DIAPH2: variants seen among roughly 807,000 people sequenced by gnomAD.
DIAPH2 encodes diaphanous related formin 2.
In DIAPH2, 35 loss-of-function variants were observed where a neutral mutation model predicts 92.7. The observed-to-expected ratio is 0.38, with a 90% confidence interval of 0.29 to 0.50. The LOEUF (loss-of-function observed/expected upper bound fraction) is 0.50. DIAPH2 is among the 20% of genes least tolerant of loss of function. The pLI, the probability that DIAPH2 is intolerant of heterozygous loss-of-function variation, is 0.94. For missense variants in DIAPH2, 701 were observed against 819.5 expected (o/e 0.86, Z 1.77); for synonymous variants, 301 against 280.4 (o/e 1.07, Z -0.73).
intron 22 of DIAPH2, among the ~76,000 whole-genome samples, chrX:97,222,639 G>C (rs778899635): frequency 2.7e-5 from 3 of 112,006 alleles, no homozygotes; most frequent in Admixed American, 9.5e-5. Flanking sequence ...ATCATGTCTT[G>C]GATTTCTCCT....
intron 4 of DIAPH2, among the ~76,000 whole-genome samples, chrX:96,868,013 G>T (rs184334548): frequency 1.9e-3 from 212 of 111,828 alleles, no homozygotes; most frequent in Non-Finnish European, 3.5e-3. Context: ...ATCATTTGCT[G>T]ACTCTAAATT....
At chrX:97,277,257 G>A (rs754347566) in intron 23 of DIAPH2, among the ~76,000 whole-genome samples, 1 of 111,473 alleles carries the variant, frequency 9.0e-6, no homozygotes, top group Non-Finnish European at 1.9e-5. Flanking sequence ...AGAATTACTT[G>A]AACCCAGGAG....
chrX:97,452,539 G>C (rs940774705), intron 26 of DIAPH2, among the ~76,000 whole-genome samples: 1 of 111,662 alleles, frequency 9.0e-6, no homozygotes, highest in Non-Finnish European at 1.9e-5. Flanking sequence ...TCAAGTGCTA[G>C]AGGTTCTTGT....
intron 4 of DIAPH2, among the ~76,000 whole-genome samples, chrX:96,813,621 A>G (rs2064705210): frequency 9.0e-6 from 1 of 111,457 alleles, no homozygotes; most frequent in Admixed American, 9.6e-5. Context: ...CCTACCATCG[A>G]TGGTCTTTAC....
chrX:96,916,003 TA>T (rs747262520), intron 7 of DIAPH2, among the ~76,000 whole-genome samples: 7 of 111,452 alleles, frequency 6.3e-5, no homozygotes, highest in South Asian at 3.7e-4. Flanking sequence ...AAGAGCCTTT[TA>T]AAAAAAATTT....
At chrX:97,018,578 A>G (rs760500401) in intron 17 of DIAPH2, among the ~76,000 whole-genome samples, 4 of 112,128 alleles carry the variant, frequency 3.6e-5, no homozygotes, top group African/African-American at 1.3e-4. Context: ...CCATTCACGA[A>G]TGACTAGTGC....
intron 23 of DIAPH2, among the ~76,000 whole-genome samples, chrX:97,254,622 C>G (rs1458820665): frequency 9.1e-6 from 1 of 110,131 alleles, no homozygotes; most frequent in East Asian, 2.8e-4. Flanking sequence ...ATCTATATAT[C>G]TGTCTATATA....
intron 23 of DIAPH2, among the ~76,000 whole-genome samples, chrX:97,319,842 G>A (rs1053428337): frequency 6.2e-4 from 67 of 108,814 alleles, no homozygotes; most frequent in African/African-American, 2.2e-3. Context: ...GCTCATGCCT[G>A]CAATCCCAGC....
intron 26 of DIAPH2, among the ~76,000 whole-genome samples, chrX:97,493,243 T>C (rs1197054738): frequency 9.1e-6 from 1 of 110,198 alleles, no homozygotes. Context: ...TTTATTTATT[T>C]ATTTATTTAT....
At chrX:97,099,373 A>T (rs1271840842) in intron 19 of DIAPH2, among the ~76,000 whole-genome samples, 1 of 111,448 alleles carries the variant, frequency 9.0e-6, no homozygotes, top group Non-Finnish European at 1.9e-5. Flanking sequence ...TCCAAAAAAA[A>T]AAGAAAATTA....
chrX:97,236,721 T>A (rs1339224699), intron 22 of DIAPH2, among the ~76,000 whole-genome samples: 2 of 109,430 alleles, frequency 1.8e-5, no homozygotes, highest in Non-Finnish European at 3.8e-5. Flanking sequence ...ATTTTTTGTA[T>A]TTTTAGTAGA....
intron 24 of DIAPH2, among the ~76,000 whole-genome samples, chrX:97,370,175 A>G (rs1359104838): frequency 9.0e-6 from 1 of 111,716 alleles, no homozygotes; most frequent in African/African-American, 3.3e-5. Flanking sequence ...GTCACTGGAT[A>G]TTAATCAGCC....
chrX:96,789,487 A>G (rs2064483592), intron 4 of DIAPH2, among the ~76,000 whole-genome samples: 1 of 112,291 alleles, frequency 8.9e-6, no homozygotes, highest in African/African-American at 3.2e-5. Flanking sequence ...AAGCCTTTCT[A>G]TAAATAGCAG....
At chrX:97,449,672 C>A (rs2070342480) in intron 26 of DIAPH2, 3 of 751,378 alleles carry the variant, frequency 4.0e-6, no homozygotes, top group Non-Finnish European at 4.7e-6. Flanking sequence ...GGAATTTCAT[C>A]TGACTAAATC....
At chrX:97,257,001 GAA>G (rs5903072) in intron 23 of DIAPH2, among the ~76,000 whole-genome samples, 4,849 of 97,032 alleles carry the variant, frequency 0.05, 287 homozygotes, top group African/African-American at 0.17. Context: ...GATGAAGACT[GAA>G]AAAAAAAAAA....
At chrX:96,859,957 A>G (rs774709042) in intron 4 of DIAPH2, among the ~76,000 whole-genome samples, 3 of 111,981 alleles carry the variant, frequency 2.7e-5, no homozygotes, top group Non-Finnish European at 5.6e-5. Flanking sequence ...ATGTTTTTGC[A>G]TATGTATATT....
intron 23 of DIAPH2, among the ~76,000 whole-genome samples, chrX:97,278,681 C>T (rs1002596935): frequency 1.8e-5 from 2 of 112,093 alleles, no homozygotes; most frequent in Non-Finnish European, 3.8e-5. Context: ...AATAATATTC[C>T]GTTATCTGGA....
intron 17 of DIAPH2, among the ~76,000 whole-genome samples, chrX:97,070,286 A>G (rs1216057423): frequency 9.0e-6 from 1 of 111,537 alleles, no homozygotes; most frequent in African/African-American, 3.2e-5. Context: ...GATAAAATCA[A>G]TTCATGAAGT....
chrX:96,844,511 CA>C (rs2064958063), intron 4 of DIAPH2, among the ~76,000 whole-genome samples: 4 of 111,696 alleles, frequency 3.6e-5, no homozygotes, highest in Non-Finnish European at 5.7e-5. Flanking sequence ...ATTTTTAGAT[CA>C]AGTTTTTAAT....
Sources: allele counts gnomAD v4.1 joint callset (sites outside exome capture counted in the v4.1 genomes callset), GRCh38; gene constraint gnomAD v4.1.1; transcripts MANE v1.5; gene names NCBI Gene and HGNC (gene_info 2026-07-23, HGNC 2026-07-21).